The following SDK1 variants were observed in gnomAD, a reference collection of about 807,000 sequenced individuals.
SDK1 encodes protein sidekick-1.
SDK1 carries 157 observed loss-of-function variants against 245.5 expected under a neutral mutation model. The observed-to-expected ratio is 0.64, with a 90% CI of 0.56 to 0.73. The LOEUF (loss-of-function observed/expected upper bound fraction) is 0.73. SDK1 is among the 30% of genes least tolerant of loss of function. The probability of loss-of-function intolerance (pLI) is 0.00; values close to 1 mark genes in which losing one functional copy is unlikely to be tolerated. For missense variants in SDK1, 3,583 were observed against 3,002.3 expected, an observed-to-expected ratio of 1.19 and a Z score of -4.52; for synonymous variants, 1,647 against 1,278.5, an observed-to-expected ratio of 1.29 and a Z score of -6.15.
At chr7:3,894,308 T>C (rs746400149) in intron 5 of SDK1, among the ~76,000 whole-genome samples, 1 of 152,206 alleles carries the variant, frequency 6.6e-6, no homozygotes, top group Non-Finnish European at 1.5e-5. Context: ...GCTTCCCCTT[T>C]TGCCTTCTCG....
chr7:3,840,347 T>C (rs565152676), intron 5 of SDK1, among the ~76,000 whole-genome samples: 1 of 152,272 alleles, frequency 6.6e-6, no homozygotes, highest in African/African-American at 2.4e-5. Context: ...CAAAAATCTT[T>C]TAAATATCTA....
At chr7:3,538,550 A>G (rs1778962527) in intron 1 of SDK1, among the ~76,000 whole-genome samples, 1 of 152,194 alleles carries the variant, frequency 6.6e-6, no homozygotes, top group Non-Finnish European at 1.5e-5. Context: ...TTTATGCTTA[A>G]GGTAAATCTC....
At chr7:3,978,524 C>T (rs906415213) in intron 13 of SDK1, among the ~76,000 whole-genome samples, 13 of 152,270 alleles carry the variant, frequency 8.5e-5, no homozygotes, top group African/African-American at 3.1e-4. Flanking sequence ...AGTTGTTCCT[C>T]GTGAATTGTT....
At chr7:4,149,537 T>G in intron 30 of SDK1, 74 bp downstream of exon 30, 3 of 1,090,756 alleles carry the variant, frequency 2.8e-6, no homozygotes, top group South Asian at 4.1e-5. Flanking sequence ...GTCCAGATAG[T>G]GGGGAGGCTG....
chr7:3,559,813 T>A (rs1360665504), intron 1 of SDK1, among the ~76,000 whole-genome samples: 2 of 151,662 alleles, frequency 1.3e-5, no homozygotes, highest in Non-Finnish European at 2.9e-5. Context: ...ATGAACTTAA[T>A]GTCAGTGTAA....
intron 4 of SDK1, among the ~76,000 whole-genome samples, chr7:3,724,547 A>G (rs1315868335): frequency 2.0e-5 from 3 of 152,210 alleles, no homozygotes; most frequent in African/African-American, 7.2e-5. Flanking sequence ...TATGCCTTCC[A>G]AGGGGCCTAA....
intron 44 of SDK1, among the ~76,000 whole-genome samples, chr7:4,256,120 A>T (rs1268838117): frequency 6.6e-6 from 1 of 152,032 alleles, no homozygotes; most frequent in Non-Finnish European, 1.5e-5. Flanking sequence ...GGGTTTCGCC[A>T]TGTTGGCCAG....
Position 3,998,290 on chromosome 7 carries a change from A to C in SDK1, c.2131+10968A>C, listed in dbSNP as rs117594196. Among the ~76,000 whole-genome samples the C allele has an allele frequency of 5.6e-3, 859 of 152,332 alleles. 6 individuals carry two copies. Among genetic ancestry groups the C allele is most frequent in the East Asian group, 0.036 (186 of 5,180 alleles). The stretch of plus-strand genomic sequence containing the variant: ...GCGGCCCCGGCAGCACCTCCCTGCA[A>C]CAGCTGGCATGATGGCAGCGGCAGG... On this transcript the variant is annotated intron_variant, in intron 14 of 44. Coordinates refer to ENST00000404826, the MANE Select transcript of SDK1 (RefSeq NM_152744.4).
At chr7:4,206,227 AAAC>A (rs1277852084) in intron 36 of SDK1, among the ~76,000 whole-genome samples, 2 of 152,160 alleles carry the variant, frequency 1.3e-5, no homozygotes, top group African/African-American at 4.8e-5. Context: ...GCCCACCACA[AAAC>A]AACCCAGGTT....
chr7:4,167,533 C>G (rs955938836), intron 32 of SDK1, among the ~76,000 whole-genome samples: 4 of 152,192 alleles, frequency 2.6e-5, no homozygotes, highest in African/African-American at 7.2e-5. Context: ...ACTCCCAGTT[C>G]CCTTCAAGCT....
chr7:3,889,321 T>C (rs750049666), intron 5 of SDK1, among the ~76,000 whole-genome samples: 2 of 152,252 alleles, frequency 1.3e-5, no homozygotes, highest in Non-Finnish European at 2.9e-5. Flanking sequence ...CTCCCTGTCC[T>C]GGCCCCTGGC....
At chr7:3,564,630 C>A (rs55870754) in intron 1 of SDK1, among the ~76,000 whole-genome samples, 1 of 151,808 alleles carries the variant, frequency 6.6e-6, no homozygotes, top group African/African-American at 2.4e-5. Flanking sequence ...TGAATAAATT[C>A]TCAGAAAAAA....
At chr7:4,110,619 C>A in intron 22 of SDK1, 44 bp from the exon 23 acceptor site, 2 of 1,384,644 alleles carry the variant, frequency 1.4e-6, no homozygotes, top group Non-Finnish European at 2.1e-6. Context: ...CAGCCTCAGT[C>A]CCTAAGGCAT....
At chr7:3,970,063 C>T (rs1340140110) in intron 11 of SDK1, among the ~76,000 whole-genome samples, 3 of 152,184 alleles carry the variant, frequency 2.0e-5, no homozygotes, top group Non-Finnish European at 4.4e-5. Flanking sequence ...AAATGGTCCC[C>T]CATTGCCACT....
chr7:4,097,821 T>C (rs1266143540), intron 22 of SDK1, among the ~76,000 whole-genome samples: 1 of 152,152 alleles, frequency 6.6e-6, no homozygotes, highest in Non-Finnish European at 1.5e-5. Context: ...AATTTCTTTT[T>C]CATAATAGGA....
intron 1 of SDK1, among the ~76,000 whole-genome samples, chr7:3,478,652 A>G (rs1034093240): frequency 2.6e-5 from 4 of 152,146 alleles, no homozygotes; most frequent in South Asian, 4.2e-4. Context: ...AGACTTTCCA[A>G]AGAATCAAAG....
intron 5 of SDK1, among the ~76,000 whole-genome samples, chr7:3,900,632 C>T (rs1479128823): frequency 6.6e-6 from 1 of 152,136 alleles, no homozygotes; most frequent in Non-Finnish European, 1.5e-5. Context: ...AAGATTTCAA[C>T]CTGCAGAAAT....
intron 33 of SDK1, among the ~76,000 whole-genome samples, chr7:4,174,850 CT>C (rs1782091375): frequency 6.6e-6 from 1 of 152,198 alleles, no homozygotes; most frequent in African/African-American, 2.4e-5. Flanking sequence ...TTCAAGACAG[CT>C]TCTAGAACCC....
chr7:3,626,468 C>G (rs1782124550), intron 2 of SDK1, among the ~76,000 whole-genome samples: 3 of 152,192 alleles, frequency 2.0e-5, no homozygotes. Context: ...TGTTCTCCTG[C>G]CCATTTTAGG....
Sources: allele counts gnomAD v4.1 joint callset (sites outside exome capture counted in the v4.1 genomes callset), GRCh38; gene constraint gnomAD v4.1.1; transcripts MANE v1.5; gene names NCBI Gene and HGNC (gene_info 2026-07-23, HGNC 2026-07-21).